The following THSD7B variants were observed in gnomAD, a reference collection of about 807,000 sequenced individuals.
The protein encoded by THSD7B is thrombospondin type-1 domain-containing protein 7B.
A neutral mutation model predicts 213.6 loss-of-function variants in THSD7B; 138 were observed. The observed-to-expected ratio is 0.65, with a 90% confidence interval of 0.56 to 0.74. The LOEUF is 0.74. Ranked by LOEUF, THSD7B falls within the 30% of genes least tolerant of loss-of-function variation. THSD7B has a pLI of 0.00. For missense variants in THSD7B, 1,931 were observed against 1,991.5 expected, an observed-to-expected ratio of 0.97 and a Z score of 0.58; for synonymous variants, 742 against 687.0, an observed-to-expected ratio of 1.08 and a Z score of -1.25.
At chr2:137,225,099 C>T (rs953425940) in intron 7 of THSD7B, among the ~76,000 whole-genome samples, 2 of 152,132 alleles carry the variant, frequency 1.3e-5, no homozygotes, top group African/African-American at 4.8e-5. Context: ...AGCATCTTTA[C>T]ATCATTATTA....
chr2:137,476,117 T>A (rs1688185475), intron 15 of THSD7B, among the ~76,000 whole-genome samples: 2 of 152,204 alleles, frequency 1.3e-5, no homozygotes, highest in South Asian at 4.1e-4. Flanking sequence ...TTTTAATACA[T>A]GTGTCCTCAT....
chr2:136,951,795 A>G (rs2105072980), intron 2 of THSD7B, among the ~76,000 whole-genome samples: 1 of 152,364 alleles, frequency 6.6e-6, no homozygotes, highest in African/African-American at 2.4e-5. Context: ...AACCTAAATC[A>G]TAATTCAGCC....
intron 10 of THSD7B, among the ~76,000 whole-genome samples, chr2:137,250,326 G>C (rs1682144717): frequency 6.6e-6 from 1 of 152,038 alleles, no homozygotes; most frequent in African/African-American, 2.4e-5. Flanking sequence ...ATACATGATG[G>C]AATGATTAAA....
chr2:137,280,861 T>C (rs1682991442), intron 12 of THSD7B, among the ~76,000 whole-genome samples: 1 of 152,154 alleles, frequency 6.6e-6, no homozygotes, highest in Non-Finnish European at 1.5e-5. Flanking sequence ...TTTCTGTAAG[T>C]GGAGTGTATT....
At chr2:137,216,983 C>G (rs1227958190) in intron 7 of THSD7B, among the ~76,000 whole-genome samples, 1 of 152,170 alleles carries the variant, frequency 6.6e-6, no homozygotes, top group African/African-American at 2.4e-5. Flanking sequence ...TCTCTTCTCT[C>G]TTGGCACTTT....
intron 1 of THSD7B, among the ~76,000 whole-genome samples, chr2:136,854,877 C>T (rs1280047551): frequency 6.6e-6 from 1 of 152,062 alleles, no homozygotes; most frequent in Non-Finnish European, 1.5e-5. Context: ...GCGTCTCTCT[C>T]CCCCATGTTT....
At chr2:136,789,445 C>T (rs927642917) in intron 1 of THSD7B, among the ~76,000 whole-genome samples, 123 of 152,062 alleles carry the variant, frequency 8.1e-4, no homozygotes, top group African/African-American at 2.8e-3. Flanking sequence ...GGGTAATTGG[C>T]ATATCTACCA....
chr2:137,587,109 T>C (rs1048510977), intron 17 of THSD7B, among the ~76,000 whole-genome samples: 2 of 152,230 alleles, frequency 1.3e-5, no homozygotes, highest in Non-Finnish European at 1.5e-5. Flanking sequence ...CTGATACCCT[T>C]TCTTCCAGTT....
chr2:137,500,258 C>T (rs1679670798), intron 15 of THSD7B, among the ~76,000 whole-genome samples: 2 of 152,166 alleles, frequency 1.3e-5, no homozygotes, highest in Non-Finnish European at 2.9e-5. Context: ...GATATTGTAA[C>T]AACTCAAGCT....
At chr2:137,399,975 C>T (rs1312408289) in intron 12 of THSD7B, among the ~76,000 whole-genome samples, 1 of 152,040 alleles carries the variant, frequency 6.6e-6, no homozygotes, top group South Asian at 2.1e-4. Flanking sequence ...TGGGTCTAAT[C>T]TACTATTAAC....
intron 5 of THSD7B, among the ~76,000 whole-genome samples, chr2:137,119,257 A>G (rs1262035984): frequency 1.3e-5 from 2 of 152,238 alleles, no homozygotes; most frequent in Non-Finnish European, 2.9e-5. Flanking sequence ...AAATTACATG[A>G]CAATCAAACA....
At chr2:137,228,665 A>C (rs1681571566) in intron 7 of THSD7B, among the ~76,000 whole-genome samples, 1 of 152,160 alleles carries the variant, frequency 6.6e-6, no homozygotes, top group Admixed American at 6.6e-5. Context: ...CCTTGCCACA[A>C]GTTCTCAGCC....
chr2:137,192,759 AATAT>A (rs1229582472), intron 7 of THSD7B, among the ~76,000 whole-genome samples: 1 of 152,214 alleles, frequency 6.6e-6, no homozygotes, highest in Non-Finnish European at 1.5e-5. Flanking sequence ...TAATAAATTA[AATAT>A]ATACAGGAAA....
intron 15 of THSD7B, among the ~76,000 whole-genome samples, chr2:137,539,280 AT>A (rs112065451): frequency 0.037 from 5,656 of 151,178 alleles, 171 homozygotes; most frequent in Admixed American, 0.083. Flanking sequence ...GATAATTCAA[AT>A]TTTTTTTTCA....
At chr2:137,086,314 G>A (rs530290034) in intron 3 of THSD7B, among the ~76,000 whole-genome samples, 5 of 151,966 alleles carry the variant, frequency 3.3e-5, no homozygotes, top group Admixed American at 3.3e-4. Context: ...CCTAGCCTGG[G>A]CAACAGAGCA....
At chr2:137,063,066 A>T (rs1442031217) in intron 3 of THSD7B, among the ~76,000 whole-genome samples, 3 of 151,496 alleles carry the variant, frequency 2.0e-5, no homozygotes. Flanking sequence ...CCCCCACCTT[A>T]ATCCCTGACA....
intron 3 of THSD7B, among the ~76,000 whole-genome samples, chr2:137,072,040 G>T (rs1209185189): frequency 2.0e-5 from 3 of 152,164 alleles, no homozygotes; most frequent in Admixed American, 2.0e-4. Flanking sequence ...GTCAGGTAGC[G>T]TGATGCCTCC....
At chr2:137,521,176 T>C (rs1054626062) in intron 15 of THSD7B, among the ~76,000 whole-genome samples, 1 of 152,164 alleles carries the variant, frequency 6.6e-6, no homozygotes, top group Non-Finnish European at 1.5e-5. Flanking sequence ...ATCCAGAGAT[T>C]TGAGCACTCT....
At chr2:137,040,327 A>G (rs1686856219) in intron 2 of THSD7B, among the ~76,000 whole-genome samples, 1 of 151,952 alleles carries the variant, frequency 6.6e-6, no homozygotes, top group Non-Finnish European at 1.5e-5. Context: ...GGTGGAAGCT[A>G]GAGGAAACTA....
Sources: gnomAD v4.1 joint callset for allele counts (sites outside exome capture counted in the v4.1 genomes callset) on GRCh38, gnomAD v4.1.1 for gene constraint, MANE v1.5 for transcripts, NCBI Gene and HGNC (gene_info 2026-07-23, HGNC 2026-07-21) for gene names.